RALA: variants seen among roughly 807,000 people sequenced by gnomAD.
RALA encodes ras-related protein Ral-A.
RALA carries 5 observed loss-of-function variants against 24.0 expected under a neutral mutation model. The observed-to-expected ratio is 0.21, with a 90% confidence interval of 0.11 to 0.44. The LOEUF (loss-of-function observed/expected upper bound fraction) is 0.44. Ranked by LOEUF, RALA falls within the 20% of genes least tolerant of loss-of-function variation. The pLI is 0.99. For synonymous variants in RALA, 77 were observed against 83.8 expected (o/e 0.92, Z 0.44); for missense variants, 95 against 241.2 (o/e 0.39, Z 4.01).
intron 3 of RALA, among the ~76,000 whole-genome samples, chr7:39,691,460 C>T (rs557489537): frequency 1.3e-5 from 2 of 152,184 alleles, no homozygotes; most frequent in South Asian, 4.1e-4. Flanking sequence ...AAGTTAGTGA[C>T]AAAGTAGGAA....
intron 1 of RALA, among the ~76,000 whole-genome samples, chr7:39,628,879 T>G (rs1791544434): frequency 6.6e-6 from 1 of 152,158 alleles, no homozygotes; most frequent in Non-Finnish European, 1.5e-5. Context: ...AGTAATTAGG[T>G]CTGAACAACT....
intron 1 of RALA, among the ~76,000 whole-genome samples, chr7:39,662,430 T>C (rs1384503943): frequency 6.6e-6 from 1 of 152,202 alleles, no homozygotes; most frequent in Non-Finnish European, 1.5e-5. Context: ...CTTTTAAAAC[T>C]GAATGCTTTT....
In RALA at chr7:39,695,938, A is replaced by G. The variant is rs147985194; in HGVS notation, c.324-747A>G. Among the ~76,000 whole-genome samples, 10 of 152,274 alleles carry G rather than the reference A, an allele frequency of 6.6e-5. No individual in the cohort carries two copies. In the East Asian group the frequency reaches 1.7e-3, roughly 26 times the overall value. ...AATAATGAGCTAACATTTTTTGAAT[A>G]TTTACTCTGTCGATGCAGTTATAAG... On this transcript the variant is annotated intron_variant, in intron 3 of 4. Transcript: ENST00000005257.
At chr7:39,692,304 C>G (rs1215424897) in intron 3 of RALA, among the ~76,000 whole-genome samples, 1 of 152,160 alleles carries the variant, frequency 6.6e-6, no homozygotes, top group East Asian at 1.9e-4. Flanking sequence ...CACTTAACAC[C>G]TATTCCTTTC....
intron 1 of RALA, among the ~76,000 whole-genome samples, chr7:39,678,407 G>C (rs1792527395): frequency 6.6e-6 from 1 of 152,026 alleles, no homozygotes; most frequent in African/African-American, 2.4e-5. Context: ...GTAGGCCCTT[G>C]GTGTATTTTT....
At chr7:39,630,750 T>C (rs1791584181) in intron 1 of RALA, among the ~76,000 whole-genome samples, 1 of 152,180 alleles carries the variant, frequency 6.6e-6, no homozygotes, top group African/African-American at 2.4e-5. Context: ...CCCAATGACA[T>C]TTATTTAAAA....
At chr7:39,667,989 T>C (rs1792313513) in intron 1 of RALA, among the ~76,000 whole-genome samples, 1 of 152,120 alleles carries the variant, frequency 6.6e-6, no homozygotes, top group Non-Finnish European at 1.5e-5. Flanking sequence ...GAGAGCAAGA[T>C]AAAAGAAAGT....
chr7:39,674,042 T>TAAAAAAAA lies in RALA; in HGVS notation c.-37-12586_-37-12585insAAAAAAAA, dbSNP rs367907893. On this transcript the variant is annotated intron_variant, in intron 1 of 4. Transcript: ENST00000005257. Reference sequence around the variant, plus strand: ...TACCTGGGACTACAGGCATGCACTGTAAATAAATAAATAAATAAATAAATA... The same window carrying TAAAAAAAA: ...TACCTGGGACTACAGGCATGCACTGTAAAAAAAAAAATAAATAAATAAATAAATAAATA... 2.2e-3 allele frequency among the ~76,000 whole-genome samples: 198 copies of TAAAAAAAA among 90,756 alleles called. 1 individual carries two copies. The highest frequency in any genetic ancestry group is 6.7e-3 in the African/African-American group (131 of 19,510). 59.5% of individuals were successfully genotyped at this position (90,756 alleles called of 152,430 possible).
At chr7:39,704,329 G>C (rs548800288) in intron 4 of RALA, among the ~76,000 whole-genome samples, 3 of 151,814 alleles carry the variant, frequency 2.0e-5, no homozygotes, top group African/African-American at 7.2e-5. Flanking sequence ...TGTCTTGTTT[G>C]TTTGTTTTTT....
At chr7:39,647,493 A>G (rs1489933552) in intron 1 of RALA, among the ~76,000 whole-genome samples, 3 of 152,214 alleles carry the variant, frequency 2.0e-5, no homozygotes, top group South Asian at 2.1e-4. Flanking sequence ...ATTTGAAACA[A>G]TGTAGGTCTG....
chr7:39,628,310 T>C (rs1390155474), intron 1 of RALA, among the ~76,000 whole-genome samples: 1 of 151,852 alleles, frequency 6.6e-6, no homozygotes, highest in Non-Finnish European at 1.5e-5. Flanking sequence ...TTAACTACAC[T>C]GGAGAGAGTA....
intron 3 of RALA, among the ~76,000 whole-genome samples, chr7:39,694,320 G>A (rs964195345): frequency 6.6e-6 from 1 of 152,158 alleles, no homozygotes; most frequent in Non-Finnish European, 1.5e-5. Flanking sequence ...CAGAAATGCA[G>A]GGAGGTTAAG....
chr7:39,680,507 C>T (rs1792574110), intron 1 of RALA, among the ~76,000 whole-genome samples: 1 of 150,690 alleles, frequency 6.6e-6, no homozygotes, highest in African/African-American at 2.4e-5. Context: ...ACCCAGGAGG[C>T]AGAGTTTGCA....
chr7:39,706,413 G>T lies in RALA; in HGVS notation c.*168G>T. 1 of 663,254 alleles carries T rather than the reference G, an allele frequency of 1.5e-6. No individual in the cohort carries two copies. Among genetic ancestry groups the T allele is most frequent in the Non-Finnish European group, 2.5e-6 (1 of 406,146 alleles). 41.1% of individuals were successfully genotyped at this position (663,254 alleles called of 1,614,324 possible). A position where few individuals can be genotyped will look rare whatever the true frequency, so the allele number is the denominator to read the frequency against. On this transcript the variant is annotated 3_prime_UTR_variant, in exon 5 of 5. Transcript: ENST00000005257. ...ATGAAAGTCAAATTTACTTTAAAAAGAAATTAATATGGCTTCACCAAGAAG... is the reference window on the plus strand; with the variant it reads ...ATGAAAGTCAAATTTACTTTAAAAATAAATTAATATGGCTTCACCAAGAAG...
chr7:39,691,985 G>A (rs1792825309), intron 3 of RALA, among the ~76,000 whole-genome samples: 1 of 152,026 alleles, frequency 6.6e-6, no homozygotes. Context: ...AAGAATCTTG[G>A]GCTATTACTA....
chr7:39,629,594 T>A (rs1488710690), intron 1 of RALA, among the ~76,000 whole-genome samples: 1 of 151,598 alleles, frequency 6.6e-6, no homozygotes, highest in Non-Finnish European at 1.5e-5. Context: ...TTTGTATGTG[T>A]GTATGTATTT....
rs1793133238 is a variant in RALA at position 39,707,155 on chromosome 7, T to C, written c.*910T>C. The C allele has an allele frequency of 6.6e-6, 1 of 152,564 alleles. No individual in the cohort carries two copies. 9.5% of individuals were successfully genotyped at this position (152,564 alleles called of 1,614,324 possible). ...AGCTGCAAGGATTCAGCACCAGTTA[T>C]GTTTGAATGAACCCTCCTTTTCTCT... is the stretch of plus-strand genomic sequence containing the variant. On this transcript the variant is annotated 3_prime_UTR_variant, in exon 5 of 5. Coordinates refer to ENST00000005257, the MANE Select transcript of RALA (RefSeq NM_005402.4).
At chr7:39,695,530 C>G (rs1300505794) in intron 3 of RALA, among the ~76,000 whole-genome samples, 1 of 151,586 alleles carries the variant, frequency 6.6e-6, no homozygotes, top group Admixed American at 6.6e-5. Context: ...TCCTGAGTAG[C>G]TAGGACTACA....
intron 1 of RALA, among the ~76,000 whole-genome samples, chr7:39,665,748 A>G (rs775010982): frequency 1.2e-4 from 18 of 150,076 alleles, no homozygotes; most frequent in Non-Finnish European, 2.4e-4. Context: ...TTATCTTTTT[A>G]TGTTTAAGAG....
Sources: gnomAD v4.1 joint callset for allele counts (sites outside exome capture counted in the v4.1 genomes callset) on GRCh38, gnomAD v4.1.1 for gene constraint, MANE v1.5 for transcripts, NCBI Gene and HGNC (gene_info 2026-07-23, HGNC 2026-07-21) for gene names.